The following RANBP2 variants were observed in gnomAD, a reference collection of about 807,000 sequenced individuals.
RANBP2 encodes the protein E3 SUMO-protein ligase RanBP2.
In RANBP2, 57 loss-of-function variants were observed where a neutral mutation model predicts 303.6. That is an observed-to-expected ratio of 0.19 (90% CI 0.15 to 0.23). The LOEUF is 0.23. RANBP2 is among the 10% of genes least tolerant of loss of function. RANBP2 has a pLI of 1.00. For missense variants in RANBP2, 3,138 were observed against 3,780.8 expected (o/e 0.83, Z 4.46); for synonymous variants, 1,167 against 1,301.5 (o/e 0.90, Z 2.23).
chr2:109,387,858 T>TGG, the RANBP2 span, among the ~76,000 whole-genome samples: 1,423 of 147,760 alleles, frequency 9.6e-3, 20 homozygotes, highest in African/African-American at 0.033. Flanking sequence ...CCCAGATGGT[T>TGG]GGGGGGGGGG....
the RANBP2 span, among the ~76,000 whole-genome samples, chr2:109,205,234 T>TA: frequency 3.4e-5 from 5 of 146,970 alleles, no homozygotes; most frequent in Admixed American, 6.8e-5. Context: ...TAAAATAAGA[T>TA]AAAAAAAATT....
At chr2:109,442,265 C>G in the RANBP2 span, among the ~76,000 whole-genome samples, 1 of 148,658 alleles carries the variant, frequency 6.7e-6, no homozygotes, top group Admixed American at 6.7e-5. Context: ...GAGCCGAGAT[C>G]GTGCCACTGC....
chr2:108,852,996 T>C, the RANBP2 span, among the ~76,000 whole-genome samples: 1 of 152,228 alleles, frequency 6.6e-6, no homozygotes, highest in Non-Finnish European at 1.5e-5. Flanking sequence ...GTTAATATTT[T>C]TGAAATGCAT....
intron 8 of RANBP2, among the ~76,000 whole-genome samples, chr2:108,747,440 T>C (rs1374452333): frequency 2.6e-5 from 4 of 152,228 alleles, no homozygotes; most frequent in Admixed American, 2.6e-4. Context: ...AAGAGCAAGA[T>C]GTAATATTAA....
At chr2:108,986,088 T>C in the RANBP2 span, among the ~76,000 whole-genome samples, 1 of 152,060 alleles carries the variant, frequency 6.6e-6, no homozygotes, top group Admixed American at 6.6e-5. Context: ...TGATGAAAAA[T>C]TAAATATGGT....
At chr2:108,938,565 G>A in the RANBP2 span, among the ~76,000 whole-genome samples, 1 of 152,128 alleles carries the variant, frequency 6.6e-6, no homozygotes, top group Non-Finnish European at 1.5e-5. Flanking sequence ...ATGTCCTGCT[G>A]TAAAGATATG....
chr2:109,245,374 C>T, the RANBP2 span, among the ~76,000 whole-genome samples: 1 of 152,060 alleles, frequency 6.6e-6, no homozygotes, highest in South Asian at 2.1e-4. Flanking sequence ...CTGGAATTCC[C>T]TCTTGGTGCT....
the RANBP2 span, among the ~76,000 whole-genome samples, chr2:109,271,487 C>T: frequency 3.0e-4 from 45 of 152,336 alleles, no homozygotes; most frequent in African/African-American, 9.9e-4. Context: ...CGTAAATCAA[C>T]GTGAGACTTT....
the RANBP2 span, among the ~76,000 whole-genome samples, chr2:109,259,452 A>T: frequency 6.6e-6 from 1 of 152,152 alleles, no homozygotes; most frequent in South Asian, 2.1e-4. Flanking sequence ...ACGGTGGTGC[A>T]TTGGCTATTG....
chr2:109,097,550 T>C, the RANBP2 span, among the ~76,000 whole-genome samples: 1 of 152,156 alleles, frequency 6.6e-6, no homozygotes. Context: ...AAATTTATTT[T>C]GTGTATAGTG....
At chr2:109,441,124 T>G in the RANBP2 span, among the ~76,000 whole-genome samples, 2 of 75,536 alleles carry the variant, frequency 2.6e-5, no homozygotes, top group African/African-American at 7.0e-5. Context: ...AGAATATTTA[T>G]AGGAATACAA....
the RANBP2 span, among the ~76,000 whole-genome samples, chr2:108,982,868 G>A: frequency 1.3e-5 from 2 of 152,200 alleles, no homozygotes; most frequent in African/African-American, 2.4e-5. Flanking sequence ...GGTTCACAGT[G>A]GCCACAGAAC....
the RANBP2 span, among the ~76,000 whole-genome samples, chr2:109,207,327 A>G: frequency 1.3e-5 from 2 of 152,202 alleles, no homozygotes; most frequent in African/African-American, 2.4e-5. Flanking sequence ...ATTTATGCCA[A>G]TTTAAAGATG....
the RANBP2 span, among the ~76,000 whole-genome samples, chr2:108,986,934 T>C: frequency 6.6e-6 from 1 of 152,162 alleles, no homozygotes; most frequent in African/African-American, 2.4e-5. Context: ...AGTTAATTAA[T>C]GATACTATTG....
the RANBP2 span, among the ~76,000 whole-genome samples, chr2:109,133,065 C>T: frequency 1.3e-5 from 2 of 152,218 alleles, no homozygotes; most frequent in Non-Finnish European, 2.9e-5. Flanking sequence ...CTGGCTTGGG[C>T]TTTCTGGATG....
the RANBP2 span, among the ~76,000 whole-genome samples, chr2:109,010,540 C>T: frequency 1.3e-5 from 2 of 152,146 alleles, no homozygotes; most frequent in Non-Finnish European, 2.9e-5. Flanking sequence ...CTGGCCGATT[C>T]AGTTCCCGGT....
the RANBP2 span, among the ~76,000 whole-genome samples, chr2:109,283,657 G>A: frequency 6.6e-6 from 1 of 152,202 alleles, no homozygotes. Flanking sequence ...AGTGCACATG[G>A]GGACCTGGAA....
At chr2:109,470,599 G>A in the RANBP2 span, among the ~76,000 whole-genome samples, 4 of 152,210 alleles carry the variant, frequency 2.6e-5, no homozygotes, top group Non-Finnish European at 4.4e-5. Flanking sequence ...GTCTGGAGGA[G>A]GACAGGCAGT....
the RANBP2 span, among the ~76,000 whole-genome samples, chr2:109,349,138 C>A: frequency 1.0e-4 from 15 of 145,220 alleles, no homozygotes; most frequent in Non-Finnish European, 1.9e-4. Context: ...GGCCATTGCT[C>A]TCTCCCCCAT....
Sources: gnomAD v4.1 joint callset for allele counts (sites outside exome capture counted in the v4.1 genomes callset) on GRCh38, gnomAD v4.1.1 for gene constraint, MANE v1.5 for transcripts, NCBI Gene and HGNC (gene_info 2026-07-23, HGNC 2026-07-21) for gene names.